The following ACOXL variants were observed in gnomAD, a reference collection of about 807,000 sequenced individuals.
ACOXL encodes the protein acyl-coenzyme A oxidase-like protein.
ACOXL carries 70 observed loss-of-function variants against 71.9 expected under a neutral mutation model. The observed-to-expected ratio is 0.97, with a 90% CI of 0.80 to 1.19. The LOEUF (loss-of-function observed/expected upper bound fraction) is 1.19, where lower values mean the gene tolerates loss of function less well. Among genes scored for constraint, ACOXL ranks in the 50% most tolerant of loss-of-function variants. The probability of loss-of-function intolerance (pLI) is 0.00; values close to 1 mark genes in which losing one functional copy is unlikely to be tolerated. For synonymous variants in ACOXL, 253 were observed against 281.6 expected (o/e 0.90, Z 1.02); for missense variants, 703 against 736.3 (o/e 0.95, Z 0.52).
intron 10 of ACOXL, among the ~76,000 whole-genome samples, chr2:110,865,896 T>A (rs938959813): frequency 2.0e-5 from 3 of 152,208 alleles, no homozygotes; most frequent in Non-Finnish European, 4.4e-5. Flanking sequence ...ACACCTACCA[T>A]GGTAGGTTTA....
In ACOXL at chr2:110,886,881, C is replaced by T. The variant is rs145285753; in HGVS notation, c.789-21908C>T. On this transcript the variant is annotated intron_variant, in intron 10 of 17. Coordinates refer to ENST00000439055, the MANE Select transcript of ACOXL (RefSeq NM_001142807.4). ...TTTCCTGAAAACTGGTTTTTGCTAA[C>T]GTTTCTTACGCTTGCTCGTGAAATC... is the stretch of plus-strand genomic sequence containing the variant. The T allele has an allele frequency of 6.0e-4, 926 of 1,549,734 alleles. 7 individuals carry two copies. The African/African-American group carries it at 0.011, about 18-fold the overall frequency.
intron 10 of ACOXL, among the ~76,000 whole-genome samples, chr2:110,875,583 C>T (rs1258342974): frequency 2.0e-5 from 3 of 152,116 alleles, no homozygotes; most frequent in African/African-American, 7.2e-5. Flanking sequence ...TGCTTTCTGG[C>T]TGCATTTTTC....
chr2:110,870,142 G>C (rs762130886), intron 10 of ACOXL, among the ~76,000 whole-genome samples: 3 of 152,204 alleles, frequency 2.0e-5, no homozygotes, highest in African/African-American at 7.2e-5. Flanking sequence ...GGCTGAGTCT[G>C]CTCCACAGGG....
intron 16 of ACOXL, 55 bp downstream of exon 16, chr2:111,049,343 C>T: frequency 7.4e-7 from 1 of 1,358,352 alleles, no homozygotes; most frequent in Non-Finnish European, 1.0e-6. Flanking sequence ...TTTTTATTGC[C>T]CTGAGGAGAG....
intron 10 of ACOXL, chr2:110,887,495 C>T (rs1218302373): frequency 6.6e-6 from 1 of 152,308 alleles, no homozygotes; most frequent in African/African-American, 2.4e-5. Flanking sequence ...TGCTCTGTCA[C>T]CCAGACTAGA....
chr2:110,841,327 C>G, intron 9 of ACOXL, 44 bp from the exon 10 acceptor site: 1 of 1,483,002 alleles, frequency 6.7e-7, no homozygotes, highest in African/African-American at 1.4e-5. Context: ...ATTCTGCATA[C>G]TCTTGATATT....
At chr2:110,994,552 A>ACCCTTAGTTTGAATTAACCCTTC (rs2063309344) in intron 13 of ACOXL, among the ~76,000 whole-genome samples, 3 of 151,954 alleles carry the variant, frequency 2.0e-5, no homozygotes. Context: ...GCTATGGGAA[A>ACCCTTAGTTTGAATTAACCCTTC]CCCTAAGTGT....
intron 11 of ACOXL, among the ~76,000 whole-genome samples, chr2:110,913,394 C>G (rs2059718468): frequency 6.6e-6 from 1 of 152,118 alleles, no homozygotes. Context: ...AAATATGGCA[C>G]ATTCACAAAG....
chr2:110,792,665 G>A (rs972296733), intron 3 of ACOXL, among the ~76,000 whole-genome samples: 1 of 152,152 alleles, frequency 6.6e-6, no homozygotes, highest in Non-Finnish European at 1.5e-5. Context: ...GGTAGTGTGT[G>A]CCTGTAGTCC....
intron 12 of ACOXL, among the ~76,000 whole-genome samples, chr2:110,935,110 G>A (rs1378030119): frequency 6.6e-6 from 1 of 152,106 alleles, no homozygotes; most frequent in Non-Finnish European, 1.5e-5. Context: ...CAGCAGGTGG[G>A]GGGTATGACC....
intron 9 of ACOXL, among the ~76,000 whole-genome samples, chr2:110,825,911 TCAG>T (rs934909278): frequency 1.3e-5 from 2 of 152,096 alleles, no homozygotes; most frequent in African/African-American, 4.8e-5. Context: ...TCTGAGCACA[TCAG>T]CAGGAGGAAG....
rs1336005583 is a variant in ACOXL at position 111,070,077 on chromosome 2, C to T, written c.1440+20789C>T. On this transcript the variant is annotated intron_variant, in intron 16 of 17. Coordinates refer to ENST00000439055, the MANE Select transcript of ACOXL (RefSeq NM_001142807.4). ...AGTCCCCTCTCTGTCCAAGCGTATTCAGCATGCCAGTAAAAAGATGTCTTT... is the reference window on the plus strand; with the variant it reads ...AGTCCCCTCTCTGTCCAAGCGTATTTAGCATGCCAGTAAAAAGATGTCTTT... Among the ~76,000 whole-genome samples the T allele has an allele frequency of 7.9e-5, 12 of 152,082 alleles. No homozygotes were observed. In the South Asian group the frequency reaches 2.5e-3, roughly 32 times the overall value.
At chr2:110,838,586 C>T (rs1690744567) in intron 9 of ACOXL, among the ~76,000 whole-genome samples, 1 of 152,174 alleles carries the variant, frequency 6.6e-6, no homozygotes, top group South Asian at 2.1e-4. Flanking sequence ...CCCCTGCTTT[C>T]TCTGTAGGAA....
intron 12 of ACOXL, among the ~76,000 whole-genome samples, chr2:110,947,648 T>G (rs1251402412): frequency 6.6e-6 from 1 of 152,206 alleles, no homozygotes; most frequent in African/African-American, 2.4e-5. Flanking sequence ...CCATTAGACA[T>G]GGGAGCTGCC....
At chr2:110,821,234 A>C (rs1573682070) in intron 9 of ACOXL, among the ~76,000 whole-genome samples, 1 of 152,156 alleles carries the variant, frequency 6.6e-6, no homozygotes, top group East Asian at 1.9e-4. Context: ...AAGATTTACA[A>C]GGATAAGCTC....
intron 10 of ACOXL, among the ~76,000 whole-genome samples, chr2:110,857,438 A>G (rs4849134): frequency 0.67 from 102,211 of 152,084 alleles, 35,146 homozygotes; most frequent in South Asian, 0.81. Context: ...TAGTGGCTCC[A>G]TAGAGAAGAG....
At chr2:111,109,408 G>A (rs1408565054) in intron 17 of ACOXL, among the ~76,000 whole-genome samples, 1 of 151,868 alleles carries the variant, frequency 6.6e-6, no homozygotes, top group Non-Finnish European at 1.5e-5. Context: ...ATGTTGGATT[G>A]CCAATATATT....
chr2:110,997,966 T>C (rs2063470895), intron 14 of ACOXL, among the ~76,000 whole-genome samples: 1 of 152,028 alleles, frequency 6.6e-6, no homozygotes, highest in African/African-American at 2.4e-5. Context: ...CAGGACAATC[T>C]CTTGAGCCTG....
At chr2:110,855,443 T>G (rs1428182198) in intron 10 of ACOXL, among the ~76,000 whole-genome samples, 1 of 152,182 alleles carries the variant, frequency 6.6e-6, no homozygotes, top group African/African-American at 2.4e-5. Context: ...GAATCTCTGC[T>G]GACCTGGGCA....
Sources: gnomAD v4.1 joint callset for allele counts (sites outside exome capture counted in the v4.1 genomes callset) on GRCh38, gnomAD v4.1.1 for gene constraint, MANE v1.5 for transcripts, NCBI Gene and HGNC (gene_info 2026-07-23, HGNC 2026-07-21) for gene names.